The following F2 variants were observed in gnomAD, a reference collection of about 807,000 sequenced individuals.
F2 encodes coagulation factor II, thrombin.
F2 carries 34 observed loss-of-function variants against 81.9 expected under a neutral mutation model. The ratio of observed to expected loss-of-function variants is 0.42; its 90% CI spans 0.32 to 0.55. The LOEUF (loss-of-function observed/expected upper bound fraction) is 0.55. Ranked by LOEUF, F2 falls within the 20% of genes least tolerant of loss-of-function variation. The pLI, the probability that F2 is intolerant of heterozygous loss-of-function variation, is 0.18. For missense variants in F2, 630 were observed against 833.4 expected (o/e 0.76, Z 3.00); for synonymous variants, 296 against 326.4 (o/e 0.91, Z 1.01).
chr11:46,737,002 T>C (rs1368521012), intron 12 of F2, among the ~76,000 whole-genome samples: 4 of 152,226 alleles, frequency 2.6e-5, no homozygotes, highest in African/African-American at 4.8e-5. Flanking sequence ...TGCTGCAATG[T>C]ATTCTCTTAT....
At position 46,723,510 on chromosome 11, in the gene F2, CT is replaced by C. The variant is rs757232176; in HGVS notation, c.552del (p.Val185SerfsTer9). On this transcript the variant is annotated frameshift_variant, in exon 6 of 14. Coordinates refer to ENST00000311907, the MANE Select transcript of F2 (RefSeq NM_000506.5). LOFTEE classifies it high-confidence loss of function. The surrounding 1 kb of genome is among the most constrained non-coding windows in gnomAD (Gnocchi z 5.6). ...PTVRRQECSIPVCGQDQVTVA... is the reference protein window; with the variant it reads ...PTVRRQECSIXVCGQDQVTVA... ...GTGAGGAGGCAGGAATGCAGCATCC[CT>C]GTCTGTGGTAAGCTGGGGGCAGTGG... The C allele has an allele frequency of 1.9e-5, 31 of 1,612,704 alleles. No homozygotes were observed.
Position 46,739,463 on chromosome 11 carries a change from G to A in F2, c.*55G>A. On this transcript the variant is annotated 3_prime_UTR_variant, in exon 14 of 14. Coordinates refer to ENST00000311907, the MANE Select transcript of F2 (RefSeq NM_000506.5). The stretch of plus-strand genomic sequence containing the variant: ...CCAATCCCGTGAAAGAATTATTTTT[G>A]TGTTTCTAAAACTATGGTTCCCAAT... 1 of 1,609,988 alleles carries A rather than the reference G, an allele frequency of 6.2e-7. No individual in the cohort carries two copies. Among genetic ancestry groups the A allele is most frequent in the Non-Finnish European group, 8.5e-7 (1 of 1,178,306 alleles).
At chr11:46,720,753 C>A in intron 3 of F2, 37 bp from the exon 4 acceptor site, 1 of 1,612,526 alleles carries the variant, frequency 6.2e-7, no homozygotes, top group East Asian at 2.2e-5. Context: ...CCTGGCCATA[C>A]CCCAATCCCA....
chr11:46,723,416 C>A lies in F2; in HGVS notation c.457C>A (p.Gln153Lys), dbSNP rs2064851254. The A allele has an allele frequency of 1.2e-6, 2 of 1,614,008 alleles. No individual in the cohort carries two copies. The highest frequency in any genetic ancestry group is 1.7e-6 in the Non-Finnish European group (2 of 1,180,028). Residue 153 changes from glutamine to lysine, a missense_variant, in exon 6 of 14, where the codon CAG becomes AAG. Transcript: ENST00000311907. This position sits in a 1 kb window ranked among gnomAD's most constrained non-coding sequence, Gnocchi z 5.6. ...CACTACCCATCCTGGGGCCGACCTA[C>A]AGGAGAATTTCTGCCGCAACCCCGA... ...NSTTHPGADL[Q>K]ENFCRNPDSS...
At position 46,725,958 on chromosome 11, in the gene F2, A is replaced by G; in HGVS notation, c.659A>G (p.Gln220Arg). 1 of 1,613,942 alleles carries G rather than the reference A, an allele frequency of 6.2e-7. No homozygotes were observed. The highest frequency in any genetic ancestry group is 8.5e-7 in the Non-Finnish European group (1 of 1,180,020). The change falls in exon 7 of 14, where the codon CAG becomes CGG. Residue 220 changes from glutamine (Q) to arginine (R), a missense_variant. Coordinates refer to ENST00000311907, the MANE Select transcript of F2 (RefSeq NM_000506.5). ...LEQCVPDRGQ[Q>R]YQGRLAVTTH... ...CAGTGTGTCCCTGATCGGGGGCAGC[A>G]GTACCAGGGGCGCCTGGCGGTGACC...
chr11:46,720,094 A>G (rs2064827086), intron 2 of F2: 12 of 620,336 alleles, frequency 1.9e-5, no homozygotes, highest in Non-Finnish European at 3.4e-5. Flanking sequence ...AGGCCTCCAC[A>G]GTCTTCAGAC....
chr11:46,720,457 T>A, intron 2 of F2, 66 bp from the exon 3 acceptor site: 1 of 1,585,584 alleles, frequency 6.3e-7, no homozygotes, highest in Non-Finnish European at 8.7e-7. Context: ...GGAGGAGACA[T>A]AACATTTACT....
chr11:46,732,458 C>A (rs533543115), intron 12 of F2, among the ~76,000 whole-genome samples: 5 of 149,200 alleles, frequency 3.4e-5, no homozygotes, highest in African/African-American at 1.2e-4. Flanking sequence ...AGTGCAATGG[C>A]GTGATCTCGG....
At chr11:46,727,388 G>A (rs1186488399) in intron 9 of F2, among the ~76,000 whole-genome samples, 4 of 152,172 alleles carry the variant, frequency 2.6e-5, no homozygotes, top group African/African-American at 9.7e-5. Context: ...TCACCTCCGC[G>A]CACAGCTAAT....
In F2 at chr11:46,723,218, C is replaced by T. The variant is rs762167288; in HGVS notation, c.355C>T (p.His119Tyr). The part of the protein sequence containing the change: ...AEGLGTNYRG[H>Y]VNITRSGIEC... ...GGGTCTGGGTACGAACTACCGAGGG[C>T]ATGTGAACATCACCCGGTCAGGCAT... The change falls in exon 5 of 14, where the codon CAT becomes TAT. Residue 119 changes from histidine (H) to tyrosine (Y), a missense_variant. By Grantham distance (83) the His-to-Tyr change is moderately conservative. Transcript: ENST00000311907. This position sits in a 1 kb window ranked among gnomAD's most constrained non-coding sequence, Gnocchi z 5.6. 4.3e-6 allele frequency: 7 copies of T among 1,614,042 alleles called. No homozygotes were observed. In the Admixed American group the frequency reaches 1.2e-4, roughly 27 times the overall value.
chr11:46,720,496 G>A, intron 2 of F2, 27 bp from the exon 3 acceptor site: 1 of 1,614,076 alleles, frequency 6.2e-7, no homozygotes, highest in Non-Finnish European at 8.5e-7. Context: ...AGCTGCCGTA[G>A]CCTCACTCCC....
At chr11:46,727,913 G>T in intron 9 of F2, 83 bp from the exon 10 acceptor site, 1 of 1,492,202 alleles carries the variant, frequency 6.7e-7, no homozygotes, top group South Asian at 1.2e-5. Context: ...TGGGTTCTTA[G>T]ACCTGGGATT....
At chr11:46,729,804 G>A (rs964175493) in intron 12 of F2, among the ~76,000 whole-genome samples, 5 of 152,162 alleles carry the variant, frequency 3.3e-5, no homozygotes, top group Admixed American at 3.3e-4. Flanking sequence ...ATAGCAGCAA[G>A]AGGCTGCGGG....
At chr11:46,732,268 C>T (rs2064918050) in intron 12 of F2, among the ~76,000 whole-genome samples, 1 of 152,130 alleles carries the variant, frequency 6.6e-6, no homozygotes, top group African/African-American at 2.4e-5. Context: ...ACTAGGGTGA[C>T]TACCAAATGG....
chr11:46,724,070 A>G (rs1187099451), intron 6 of F2, among the ~76,000 whole-genome samples: 1 of 151,922 alleles, frequency 6.6e-6, no homozygotes, highest in Non-Finnish European at 1.5e-5. Context: ...CTCATTCCAA[A>G]CATGCCTCCT....
chr11:46,723,262 G>T lies in F2; in HGVS notation c.399G>T (p.Arg133Ser), dbSNP rs754747709. The T allele has an allele frequency of 6.2e-6, 10 of 1,613,990 alleles. No homozygotes were observed. The Admixed American group carries it at 1.7e-4, about 27-fold the overall frequency. ...TRSGIECQLWRSRYPHKPEIN... is the reference protein window; with the variant it reads ...TRSGIECQLWSSRYPHKPEIN... ...CAGGCATTGAGTGCCAGCTATGGAG[G>T]AGTCGCTACCCACATAAGCCTGAGT... is the stretch of plus-strand genomic sequence containing the variant. The change falls in exon 5 of 14, where the codon AGG becomes AGT. Residue 133 changes from arginine (R) to serine (S), a missense_variant. Transcript: ENST00000311907. The surrounding 1 kb of genome is among the most constrained non-coding windows in gnomAD (Gnocchi z 5.6).
intron 9 of F2, among the ~76,000 whole-genome samples, chr11:46,727,398 T>A (rs1412020888): frequency 2.0e-5 from 3 of 152,158 alleles, no homozygotes; most frequent in Non-Finnish European, 4.4e-5. Flanking sequence ...GCACAGCTAA[T>A]GGGTTTGAAT....
intron 12 of F2, among the ~76,000 whole-genome samples, chr11:46,738,402 T>C (rs1280760190): frequency 1.3e-5 from 2 of 152,216 alleles, no homozygotes; most frequent in Admixed American, 6.5e-5. Context: ...ATCATTATTA[T>C]CCTCATCAGA....
chr11:46,739,188 GA>G, intron 13 of F2, 70 bp downstream of exon 13: 1 of 1,613,608 alleles, frequency 6.2e-7, no homozygotes, highest in East Asian at 2.2e-5. Flanking sequence ...CTAGTATCTA[GA>G]AACAGTTGCC....
Sources: gnomAD v4.1 joint callset for allele counts (sites outside exome capture counted in the v4.1 genomes callset) on GRCh38, gnomAD v4.1.1 for gene constraint, Gnocchi (gnomAD v3.1) non-coding constraint, MANE v1.5 for transcripts, NCBI Gene and HGNC (gene_info 2026-07-23, HGNC 2026-07-21) for gene names.